DPH6: variants seen among roughly 807,000 people sequenced by gnomAD.
DPH6 encodes the protein diphthamine biosynthesis 6, also known as diphthine--ammonia ligase.
DPH6 carries 33 observed loss-of-function variants against 38.2 expected under a neutral mutation model. The observed-to-expected ratio is 0.86, with a 90% confidence interval of 0.65 to 1.15. The LOEUF (loss-of-function observed/expected upper bound fraction) is 1.15, where lower values mean the gene tolerates loss of function less well. Among genes scored for constraint, DPH6 ranks in the 50% most tolerant of loss-of-function variants. The pLI, the probability that DPH6 is intolerant of heterozygous loss-of-function variation, is 0.00. For missense variants in DPH6, 325 were observed against 320.0 expected (o/e 1.02, Z -0.12); for synonymous variants, 108 against 103.0 (o/e 1.05, Z -0.30).
intron 3 of DPH6, among the ~76,000 whole-genome samples, chr15:35,350,078 A>C (rs577233603): frequency 1.3e-5 from 2 of 152,238 alleles, no homozygotes; most frequent in Non-Finnish European, 2.9e-5. Flanking sequence ...ACTGGTCCTA[A>C]GCTTTTCCTT....
At chr15:35,522,740 A>C (rs1595440832) in intron 3 of DPH6, among the ~76,000 whole-genome samples, 1 of 152,156 alleles carries the variant, frequency 6.6e-6, no homozygotes, top group Non-Finnish European at 1.5e-5. Flanking sequence ...CATTAGAGAA[A>C]AACACCGAAA....
chr15:35,521,353 C>T lies in DPH6; in HGVS notation c.312+16921G>A, dbSNP rs534159908. On this transcript the variant is annotated intron_variant, in intron 3 of 8. Coordinates refer to ENST00000256538, the MANE Select transcript of DPH6 (RefSeq NM_080650.4). ...TTTAATGAATGTTGAATGTACAATC[C>T]TATGAACCAACTTTATATAAATAGA... The T allele has an allele frequency of 3.9e-5, 40 of 1,020,980 alleles. No individual in the cohort carries two copies. The Middle Eastern group carries it at 1.4e-3, about 36-fold the overall frequency. The allele number at this position is 1,020,980 out of a possible 1,614,324, so 63.2% of individuals were successfully genotyped here. A position where few individuals can be genotyped will look rare whatever the true frequency, so the allele number is the denominator to read the frequency against.
At chr15:35,434,301 T>A (rs915721846) in intron 5 of DPH6, among the ~76,000 whole-genome samples, 6 of 152,154 alleles carry the variant, frequency 3.9e-5, no homozygotes, top group Admixed American at 1.3e-4. Context: ...GTTGATATTT[T>A]AAAAATCATA....
intron 3 of DPH6, among the ~76,000 whole-genome samples, chr15:35,350,355 TG>T (rs2052499544): frequency 6.6e-6 from 1 of 151,690 alleles, no homozygotes; most frequent in South Asian, 2.1e-4. Context: ...GCTAAGGGTT[TG>T]TTGCTTTTAT....
intron 5 of DPH6, among the ~76,000 whole-genome samples, chr15:35,447,802 C>CA (rs35352933): frequency 3.7e-3 from 547 of 149,396 alleles, no homozygotes; most frequent in African/African-American, 0.011. Flanking sequence ...GCAAAACTAA[C>CA]AAAAAAAAAA....
chr15:35,216,456 G>A (rs191088835), downstream of DPH6, among the ~76,000 whole-genome samples: 134 of 152,122 alleles, frequency 8.8e-4, no homozygotes, highest in African/African-American at 3.0e-3. Flanking sequence ...TATTGGTTTA[G>A]TCACATGACT....
At chr15:35,407,450 A>G (rs1025458517) in intron 6 of DPH6, among the ~76,000 whole-genome samples, 1 of 151,996 alleles carries the variant, frequency 6.6e-6, no homozygotes, top group African/African-American at 2.4e-5. Flanking sequence ...GAATAGATGG[A>G]GAGATGAAAA....
chr15:35,436,202 C>T (rs542309601), intron 5 of DPH6, among the ~76,000 whole-genome samples: 6 of 152,160 alleles, frequency 3.9e-5, no homozygotes, highest in East Asian at 1.9e-4. Context: ...CGCGGTGGCT[C>T]ATGCCTGTAA....
intron 3 of DPH6, among the ~76,000 whole-genome samples, chr15:35,235,234 G>A (rs1264352780): frequency 6.6e-6 from 1 of 152,134 alleles, no homozygotes; most frequent in Non-Finnish European, 1.5e-5. Flanking sequence ...TCTAGTCCAG[G>A]GGTAGGAAAG....
rs1232900396 is a variant in DPH6 at position 35,401,084 on chromosome 15, A to G, written c.567+9751T>C. On this transcript the variant is annotated intron_variant, in intron 6 of 8. Transcript: ENST00000256538. ...TTCAACAGTACAGAAAAATTGAAGA[A>G]AAGGGGCTTTGCCTTTGTAACCTTT... The G allele has an allele frequency of 5.5e-6, 5 of 912,634 alleles. No individual in the cohort carries two copies. In the East Asian group the frequency reaches 1.2e-4, roughly 22 times the overall value. The allele number at this position is 912,634 out of a possible 1,614,324, so 56.5% of individuals were successfully genotyped here.
the DPH6 span, among the ~76,000 whole-genome samples, chr15:35,168,672 A>G: frequency 1.3e-5 from 2 of 152,098 alleles, no homozygotes; most frequent in Non-Finnish European, 2.9e-5. Context: ...ATATATGTTA[A>G]AATTTTTTTA....
At chr15:35,480,787 A>G (rs1194546109) in intron 3 of DPH6, among the ~76,000 whole-genome samples, 2 of 152,090 alleles carry the variant, frequency 1.3e-5, no homozygotes, top group Non-Finnish European at 2.9e-5. Flanking sequence ...TTTCTCATAT[A>G]AACTTATTTT....
chr15:35,426,301 C>A (rs954721578), intron 5 of DPH6, among the ~76,000 whole-genome samples: 6 of 151,560 alleles, frequency 4.0e-5, no homozygotes, highest in Admixed American at 6.6e-5. Flanking sequence ...CATTAAGTAA[C>A]CTTTTTTAAA....
At chr15:35,346,916 A>G (rs2052466230) in intron 3 of DPH6, among the ~76,000 whole-genome samples, 1 of 152,060 alleles carries the variant, frequency 6.6e-6, no homozygotes, top group Non-Finnish European at 1.5e-5. Context: ...AAGATTTTCT[A>G]GCTAGCTTTT....
At chr15:35,436,435 C>A (rs1415189923) in intron 5 of DPH6, among the ~76,000 whole-genome samples, 2 of 146,624 alleles carry the variant, frequency 1.4e-5, no homozygotes, top group East Asian at 4.0e-4. Flanking sequence ...CACTGCGCTC[C>A]AGCCTGGGAG....
intron 3 of DPH6, among the ~76,000 whole-genome samples, chr15:35,500,804 A>C (rs1407568267): frequency 6.6e-6 from 1 of 152,020 alleles, no homozygotes; most frequent in African/African-American, 2.4e-5. Flanking sequence ...ATAGAGTCTC[A>C]CTCTGTCGCA....
At chr15:35,151,814 C>T in the DPH6 span, among the ~76,000 whole-genome samples, 1 of 152,170 alleles carries the variant, frequency 6.6e-6, no homozygotes, top group East Asian at 1.9e-4. Flanking sequence ...GAAGTCTATG[C>T]TAATCATACA....
intron 3 of DPH6, among the ~76,000 whole-genome samples, chr15:35,338,061 C>T (rs1387066182): frequency 6.6e-6 from 1 of 151,992 alleles, no homozygotes; most frequent in African/African-American, 2.4e-5. Context: ...AACATTAGAC[C>T]TAAAACCATA....
At chr15:35,303,263 A>T (rs963576700) in intron 3 of DPH6, among the ~76,000 whole-genome samples, 3 of 152,108 alleles carry the variant, frequency 2.0e-5, no homozygotes, top group South Asian at 2.1e-4. Context: ...TACTGTCTAT[A>T]AAGGTGCGAT....
Sources: gnomAD v4.1 joint callset for allele counts (sites outside exome capture counted in the v4.1 genomes callset) on GRCh38, gnomAD v4.1.1 for gene constraint, MANE v1.5 for transcripts, NCBI Gene and HGNC (gene_info 2026-07-23, HGNC 2026-07-21) for gene names.